Variants in CDK13 observed in about 807,000 individuals in gnomAD.
The protein encoded by CDK13 is cyclin dependent kinase 13, also known as cyclin-dependent kinase 13.
CDK13 carries 40 observed loss-of-function variants against 137.6 expected under a neutral mutation model. The ratio of observed to expected loss-of-function variants is 0.29; its 90% CI spans 0.23 to 0.38. The LOEUF is 0.38. Among genes scored for constraint, CDK13 ranks in the 10% least tolerant of loss-of-function variants. The pLI is 1.00. For missense variants in CDK13, 1,704 were observed against 1,951.8 expected (o/e 0.87, Z 2.39); for synonymous variants, 869 against 760.1 (o/e 1.14, Z -2.36).
chr7:40,069,233 T>A (rs1786356032), intron 9 of CDK13: 2 of 430,632 alleles, frequency 4.6e-6, no homozygotes, highest in Non-Finnish European at 9.3e-6. Context: ...AGACCTTGTC[T>A]CAAAAAAACA....
At position 39,951,284 on chromosome 7, in the gene CDK13, G is replaced by A; in HGVS notation, c.643G>A (p.Glu215Lys). 4 of 1,361,470 alleles carry A rather than the reference G, an allele frequency of 2.9e-6. No homozygotes were observed. Among genetic ancestry groups the A allele is most frequent in the Non-Finnish European group, 3.8e-6 (4 of 1,066,028 alleles). 84.3% of individuals were successfully genotyped at this position (1,361,470 alleles called of 1,614,324 possible). The change falls in exon 1 of 14, where the codon GAG becomes AAG. Residue 215 changes from glutamate (E) to lysine (K), a missense_variant. Transcript: ENST00000181839. ...TGGCCGCAGCAAGGAGCGCCACCGC[G>A]AGCACCGGCGGCGGGATGGGCAGCG... ...SSGRSKERHR[E>K]HRRRDGQRGG... is the part of the protein sequence containing the mutation.
At chr7:40,047,737 C>A in intron 6 of CDK13, 84 bp from the exon 7 acceptor site, 3 of 806,354 alleles carry the variant, frequency 3.7e-6, no homozygotes, top group Non-Finnish European at 6.0e-6. Flanking sequence ...TTTTTTTAAT[C>A]AGTTCTAGGC....
At chr7:40,019,503 A>G (rs992292957) in intron 5 of CDK13, among the ~76,000 whole-genome samples, 2 of 152,224 alleles carry the variant, frequency 1.3e-5, no homozygotes, top group African/African-American at 4.8e-5. Flanking sequence ...ATCTGGAATC[A>G]GAATTTTTTC....
At chr7:39,997,809 A>G (rs1053733105) in intron 3 of CDK13, 145 bp downstream of exon 3, 3 of 611,446 alleles carry the variant, frequency 4.9e-6, no homozygotes, top group Admixed American at 7.3e-5. Context: ...TAGAGTTTTG[A>G]AAAAAATCAT....
At chr7:40,030,937 A>T (rs1212927766) in intron 5 of CDK13, among the ~76,000 whole-genome samples, 1 of 152,216 alleles carries the variant, frequency 6.6e-6, no homozygotes, top group African/African-American at 2.4e-5. Context: ...TATTTTGGGT[A>T]CTTCCAAGTC....
chr7:39,993,602 A>G (rs1359983273), intron 2 of CDK13, among the ~76,000 whole-genome samples: 1 of 152,122 alleles, frequency 6.6e-6, no homozygotes, highest in African/African-American at 2.4e-5. Flanking sequence ...GAATCATACC[A>G]TGGATAATGT....
chr7:39,980,707 A>G (rs1005954342), intron 1 of CDK13, among the ~76,000 whole-genome samples: 2 of 152,302 alleles, frequency 1.3e-5, no homozygotes, highest in South Asian at 4.1e-4. Flanking sequence ...GTTATTTTCA[A>G]CAGTGGAGGA....
At chr7:40,012,798 G>T (rs559952242) in intron 5 of CDK13, among the ~76,000 whole-genome samples, 2 of 151,776 alleles carry the variant, frequency 1.3e-5, no homozygotes, top group African/African-American at 4.8e-5. Flanking sequence ...TGTAATCCCA[G>T]CTACTTGGGA....
chr7:39,995,258 A>G (rs2116300516), intron 2 of CDK13, among the ~76,000 whole-genome samples: 1 of 152,330 alleles, frequency 6.6e-6, no homozygotes, highest in African/African-American at 2.4e-5. Context: ...TAATATAGAT[A>G]GTCTTTTAAG....
At chr7:39,974,280 G>A (rs541571593) in intron 1 of CDK13, among the ~76,000 whole-genome samples, 1 of 151,812 alleles carries the variant, frequency 6.6e-6, no homozygotes, top group Non-Finnish European at 1.5e-5. Context: ...TGCTCAGGGT[G>A]GTCTTGAACT....
rs2150548892 is a variant in CDK13, at chr7:40,094,834, A to G, written c.4393A>G (p.Asn1465Asp). Residue 1465 changes from asparagine (N) to aspartate (D), a missense_variant, in exon 14 of 14, where the codon AAC (asparagine) becomes GAC (aspartate). Physicochemically the swap from Asn to Asp is conservative, Grantham distance 23. This residue lies in a region of CDK13 where 475 missense variants were observed against 579.3 expected (regional missense o/e 0.82). Coordinates refer to ENST00000181839, the MANE Select transcript of CDK13 (RefSeq NM_003718.5). ...GATGCACAACTATAACTATGGTGGT[A>G]ACTTACAGGAAAATCCGAGTGGCCC... ...AKMHNYNYGG[N>D]LQENPSGPSL... 1 of 1,559,336 alleles carries G rather than the reference A, an allele frequency of 6.4e-7. No individual in the cohort carries two copies. Among genetic ancestry groups the G allele is most frequent in the Non-Finnish European group, 8.7e-7 (1 of 1,154,460 alleles).
Position 39,988,085 on chromosome 7 carries a change from G to C in CDK13, c.1698G>C (p.Lys566Asn), listed in dbSNP as rs1348083600. 1 of 1,614,094 alleles carries C rather than the reference G, an allele frequency of 6.2e-7. No individual in the cohort carries two copies. Among genetic ancestry groups the C allele is most frequent in the Admixed American group, 1.7e-5 (1 of 60,004 alleles). Residue 566 changes from lysine to asparagine, a missense_variant, in exon 2 of 14, where the codon AAG becomes AAC. Transcript: ENST00000181839. ...CCAAGAAAGCAGTCATAGTTGGAAA[G>C]GAGAGTAAATCTGCTGCTACAAAGG... is the stretch of plus-strand genomic sequence containing the variant. ...KATKKAVIVG[K>N]ESKSAATKEE...
At chr7:39,999,027 G>C (rs1784624368) in intron 3 of CDK13, 1 of 169,324 alleles carries the variant, frequency 5.9e-6, no homozygotes, top group African/African-American at 2.4e-5. Flanking sequence ...AGATTGGTTA[G>C]AGAATTTTGA....
At chr7:40,039,998 T>C (rs1785570140) in intron 5 of CDK13, among the ~76,000 whole-genome samples, 1 of 151,846 alleles carries the variant, frequency 6.6e-6, no homozygotes, top group Non-Finnish European at 1.5e-5. Context: ...TTTAGATAAC[T>C]GATTCATTTG....
intron 5 of CDK13, among the ~76,000 whole-genome samples, chr7:40,032,644 A>G (rs996376410): frequency 4.6e-5 from 7 of 151,852 alleles, no homozygotes; most frequent in Admixed American, 1.3e-4. Flanking sequence ...TGAAAAGACT[A>G]TCCTTTCTCC....
In CDK13 at chr7:39,951,609, A is replaced by G. The variant is rs2116068475; in HGVS notation, c.968A>G (p.Asp323Gly). The change falls in exon 1 of 14, where the codon GAC (aspartate) becomes GGC (glycine). Residue 323 changes from aspartate (D) to glycine (G), a missense_variant. Asp to Gly is a moderately conservative substitution (Grantham distance 94). This residue lies in a region of CDK13 where 1,051 missense variants were observed against 931.0 expected (regional missense o/e 1.13). Coordinates refer to ENST00000181839, the MANE Select transcript of CDK13 (RefSeq NM_003718.5). ...RRSLSPLGGR[D>G]DSPVSHRASQ... ...TCCCTCAGCCCACTGGGAGGCCGGG[A>G]CGACAGCCCGGTGTCCCACAGGGCC... 1 of 1,481,218 alleles carries G rather than the reference A, an allele frequency of 6.8e-7. No individual in the cohort carries two copies. The highest frequency in any genetic ancestry group is 8.9e-7 in the Non-Finnish European group (1 of 1,119,122). The allele number at this position is 1,481,218 out of a possible 1,614,324, so 91.8% of individuals were successfully genotyped here.
At chr7:40,012,672 T>C (rs1784919942) in intron 5 of CDK13, among the ~76,000 whole-genome samples, 1 of 151,996 alleles carries the variant, frequency 6.6e-6, no homozygotes, top group Admixed American at 6.6e-5. Flanking sequence ...CCCAGCACTT[T>C]GGGAGGCTGA....
chr7:40,056,885 CT>C (rs1473698966), intron 7 of CDK13, among the ~76,000 whole-genome samples: 2 of 152,218 alleles, frequency 1.3e-5, no homozygotes, highest in African/African-American at 4.8e-5. Flanking sequence ...ATAGTCTAAA[CT>C]TTTGTAACAA....
rs527501872 is a variant in CDK13 at position 40,081,831 on chromosome 7, C to T, written c.3029+2980C>T. Among the ~76,000 whole-genome samples, 1,013 of 152,140 alleles carry T rather than the reference C, an allele frequency of 6.7e-3. 11 individuals are homozygous for T. Among genetic ancestry groups the T allele is most frequent in the African/African-American group, 0.023 (942 of 41,504 alleles). ...TTCTCCATGTTGGTCAGGCTGGTCTCGAACTCCAGACCTCAGGTGATCCGC... is the reference window on the plus strand; with the variant it reads ...TTCTCCATGTTGGTCAGGCTGGTCTTGAACTCCAGACCTCAGGTGATCCGC... On this transcript the variant is annotated intron_variant, in intron 11 of 13. Coordinates refer to ENST00000181839, the MANE Select transcript of CDK13 (RefSeq NM_003718.5).
Sources: allele counts gnomAD v4.1 joint callset (sites outside exome capture counted in the v4.1 genomes callset), GRCh38; gene constraint gnomAD v4.1.1; regional missense constraint gnomAD v4.1.1; transcripts MANE v1.5; gene names NCBI Gene and HGNC (gene_info 2026-07-23, HGNC 2026-07-21).